The following ERC2 variants were observed in gnomAD, a reference collection of about 807,000 sequenced individuals.
ERC2 encodes ERC protein 2.
In ERC2, 42 loss-of-function variants were observed where a neutral mutation model predicts 114.8. The ratio of observed to expected loss-of-function variants is 0.37; its 90% CI spans 0.29 to 0.47. ERC2 has a LOEUF of 0.47. Among genes scored for constraint, ERC2 ranks in the 20% least tolerant of loss-of-function variants. ERC2 has a pLI of 0.99. For missense variants in ERC2, 939 were observed against 1,150.7 expected (o/e 0.82, Z 2.66); for synonymous variants, 454 against 425.5 (o/e 1.07, Z -0.82).
At chr3:56,408,493 A>G (rs535234094) in intron 2 of ERC2, among the ~76,000 whole-genome samples, 1 of 151,874 alleles carries the variant, frequency 6.6e-6, no homozygotes, top group Non-Finnish European at 1.5e-5. Context: ...CACACCCCAT[A>G]TACGCTCACA....
chr3:55,572,528 C>T (rs553945066), intron 17 of ERC2, among the ~76,000 whole-genome samples: 1 of 152,318 alleles, frequency 6.6e-6, no homozygotes, highest in East Asian at 1.9e-4. Flanking sequence ...TAGAAAATAA[C>T]GAATATTTAT....
chr3:56,338,552 C>G (rs985745191), intron 2 of ERC2, among the ~76,000 whole-genome samples: 8 of 152,234 alleles, frequency 5.3e-5, no homozygotes, highest in Non-Finnish European at 1.2e-4. Flanking sequence ...TCAAGGGATA[C>G]TCCCAGGGTC....
intron 7 of ERC2, among the ~76,000 whole-genome samples, chr3:56,064,800 G>A (rs533036671): frequency 1.3e-5 from 2 of 152,358 alleles, no homozygotes; most frequent in South Asian, 4.1e-4. Flanking sequence ...TGAGCAAACT[G>A]CAGCCCATGG....
At chr3:56,274,988 T>G (rs1337241937) in intron 3 of ERC2, among the ~76,000 whole-genome samples, 4 of 152,198 alleles carry the variant, frequency 2.6e-5, no homozygotes, top group African/African-American at 9.7e-5. Flanking sequence ...GTTTACCATG[T>G]GAGCCTCATC....
chr3:56,017,451 G>A lies in ERC2; in HGVS notation c.1779+1443C>T, dbSNP rs184271392. ...ATGTAAGTCAGAAGGAAACCCTCAG[G>A]ATGGCATCCCATCCCCTTCAAAGTA... is the stretch of plus-strand genomic sequence containing the variant. On this transcript the variant is annotated intron_variant, in intron 8 of 17. Coordinates refer to ENST00000288221, the MANE Select transcript of ERC2 (RefSeq NM_015576.3). Among the ~76,000 whole-genome samples, 54 of 152,140 alleles carry A rather than the reference G, an allele frequency of 3.5e-4. 2 individuals are homozygous for A. Among genetic ancestry groups the A allele is most frequent in the Admixed American group, 3.3e-3 (51 of 15,274 alleles).
intron 2 of ERC2, among the ~76,000 whole-genome samples, chr3:56,374,857 A>G (rs1358659880): frequency 1.3e-5 from 2 of 152,234 alleles, no homozygotes; most frequent in Non-Finnish European, 2.9e-5. Flanking sequence ...TTTCTTTTGA[A>G]AAATGACTAA....
intron 17 of ERC2, among the ~76,000 whole-genome samples, chr3:55,550,740 G>T (rs1432034862): frequency 6.6e-6 from 1 of 152,172 alleles, no homozygotes; most frequent in Non-Finnish European, 1.5e-5. Context: ...ATAGGGGCCG[G>T]GCGCAGTGGC....
intron 17 of ERC2, among the ~76,000 whole-genome samples, chr3:55,618,692 G>A (rs974958992): frequency 2.8e-4 from 42 of 152,154 alleles, no homozygotes; most frequent in African/African-American, 9.7e-4. Flanking sequence ...ATTTCTGGAT[G>A]GTGGATTAGA....
chr3:56,085,260 T>TG (rs2077444107), intron 6 of ERC2, among the ~76,000 whole-genome samples: 1 of 151,906 alleles, frequency 6.6e-6, no homozygotes, highest in Non-Finnish European at 1.5e-5. Flanking sequence ...GACAGGGAAG[T>TG]TGGGGGAGTA....
chr3:56,467,790 G>A (rs2063616753), intron 1 of ERC2, among the ~76,000 whole-genome samples: 1 of 151,582 alleles, frequency 6.6e-6, no homozygotes, highest in Non-Finnish European at 1.5e-5. Context: ...ACCCCCGGGC[G>A]GGGGCTCCAC....
intron 13 of ERC2, among the ~76,000 whole-genome samples, chr3:55,889,618 T>A (rs1332422943): frequency 6.6e-6 from 1 of 152,106 alleles, no homozygotes; most frequent in African/African-American, 2.4e-5. Context: ...TTCCAAAGAC[T>A]TCCGTGGAGC....
chr3:56,273,267 T>TTTA (rs1411754212), intron 3 of ERC2, among the ~76,000 whole-genome samples: 1 of 150,714 alleles, frequency 6.6e-6, no homozygotes, highest in Non-Finnish European at 1.5e-5. Context: ...TCTTTCTTTT[T>TTTA]TTTTTTTTTT....
chr3:56,397,231 C>A (rs1369103529), intron 2 of ERC2, among the ~76,000 whole-genome samples: 1 of 152,146 alleles, frequency 6.6e-6, no homozygotes, highest in Admixed American at 6.5e-5. Flanking sequence ...CACCTGTAGT[C>A]CCAGCTACTT....
chr3:56,265,361 G>A (rs1364988656), intron 3 of ERC2, among the ~76,000 whole-genome samples: 3 of 152,270 alleles, frequency 2.0e-5, no homozygotes, highest in East Asian at 3.9e-4. Flanking sequence ...GGAAAGGACA[G>A]TGTCTTCAAT....
chr3:55,639,004 T>C (rs1245681585), intron 17 of ERC2, among the ~76,000 whole-genome samples: 4 of 152,146 alleles, frequency 2.6e-5, no homozygotes, highest in Non-Finnish European at 4.4e-5. Flanking sequence ...CCCTTGACAA[T>C]ACCTGAGCGT....
intron 2 of ERC2, among the ~76,000 whole-genome samples, chr3:56,365,054 A>T (rs2059099425): frequency 6.6e-6 from 1 of 152,236 alleles, no homozygotes; most frequent in Non-Finnish European, 1.5e-5. Flanking sequence ...AGTAAATGAG[A>T]TAATTTACAT....
intron 3 of ERC2, among the ~76,000 whole-genome samples, chr3:56,267,615 C>CA (rs56998182): frequency 0.69 from 98,956 of 143,980 alleles, 34,211 homozygotes; most frequent in Non-Finnish European, 0.76. Flanking sequence ...ACTAAAAATA[C>CA]AAAAAAAAAA....
intron 17 of ERC2, among the ~76,000 whole-genome samples, chr3:55,615,650 AT>A (rs1413333425): frequency 1.3e-5 from 2 of 152,234 alleles, no homozygotes; most frequent in South Asian, 2.1e-4. Context: ...GAGAAAAAAA[AT>A]ACCTCATTTG....
chr3:55,932,626 C>G (rs1042150488), intron 13 of ERC2, among the ~76,000 whole-genome samples: 2 of 152,202 alleles, frequency 1.3e-5, no homozygotes, highest in African/African-American at 4.8e-5. Context: ...AATCATCCCT[C>G]TTTTCCTTTC....
Sources: gnomAD v4.1 joint callset for allele counts (sites outside exome capture counted in the v4.1 genomes callset) on GRCh38, gnomAD v4.1.1 for gene constraint, MANE v1.5 for transcripts, NCBI Gene and HGNC (gene_info 2026-07-23, HGNC 2026-07-21) for gene names.